The following HDAC4 variants were observed in gnomAD, a reference collection of about 807,000 sequenced individuals.
The protein encoded by HDAC4 is histone deacetylase A.
Under a neutral mutation model 135.1 loss-of-function variants are expected in HDAC4, and 16 were observed. The ratio of observed to expected loss-of-function variants is 0.12; its 90% CI spans 0.08 to 0.18. The LOEUF (loss-of-function observed/expected upper bound fraction) is 0.18. HDAC4 is among the 10% of genes least tolerant of loss of function. The pLI is 1.00. For synonymous variants in HDAC4, 685 were observed against 653.4 expected (o/e 1.05, Z -0.74); for missense variants, 1,143 against 1,511.8 (o/e 0.76, Z 4.05).
At position 239,311,669 on chromosome 2, in the gene HDAC4, C is replaced by T. The variant is rs144551121; in HGVS notation, c.22+41009G>A. On this transcript the variant is annotated intron_variant, in intron 2 of 26. Transcript: ENST00000543185. ...CTCCAAAACCACACACAGGGGACTC[C>T]GTTTCTCACAAAACTTCAAGTTTCT... Among the ~76,000 whole-genome samples, 13 of 152,254 alleles carry T rather than the reference C, an allele frequency of 8.5e-5. No homozygotes were observed. The East Asian group carries it at 1.9e-3, about 23-fold the overall frequency.
intron 1 of HDAC4, among the ~76,000 whole-genome samples, chr2:239,389,395 A>C (rs1696046019): frequency 6.6e-6 from 1 of 152,180 alleles, no homozygotes; most frequent in African/African-American, 2.4e-5. Context: ...TCATTCTTGA[A>C]GTCAGCAAGA....
chr2:239,374,932 C>G (rs1478541611), intron 1 of HDAC4, among the ~76,000 whole-genome samples: 1 of 152,134 alleles, frequency 6.6e-6, no homozygotes, highest in African/African-American at 2.4e-5. Context: ...AGTCAGAGAC[C>G]CGATCTAAAG....
intron 2 of HDAC4, among the ~76,000 whole-genome samples, chr2:239,242,886 T>C (rs1335272822): frequency 6.6e-6 from 1 of 152,234 alleles, no homozygotes; most frequent in Non-Finnish European, 1.5e-5. Context: ...ATTCAGCTTA[T>C]TAAATAATTT....
At chr2:239,249,422 C>T (rs544261388) in intron 2 of HDAC4, among the ~76,000 whole-genome samples, 2 of 152,124 alleles carry the variant, frequency 1.3e-5, no homozygotes, top group African/African-American at 4.8e-5. Flanking sequence ...GCCACACTCA[C>T]CCAGGTAGGG....
chr2:239,081,739 G>A (rs909903571), intron 21 of HDAC4, among the ~76,000 whole-genome samples: 52 of 152,174 alleles, frequency 3.4e-4, no homozygotes, highest in Non-Finnish European at 5.6e-4. Flanking sequence ...GCCCCGCGCC[G>A]GGCAAAGGAC....
At chr2:239,217,282 C>T (rs564147852) in intron 3 of HDAC4, among the ~76,000 whole-genome samples, 29 of 152,264 alleles carry the variant, frequency 1.9e-4, no homozygotes, top group East Asian at 7.7e-4. Context: ...GATAATCAAG[C>T]GACCAGATCT....
intron 1 of HDAC4, among the ~76,000 whole-genome samples, chr2:239,391,101 GC>G (rs1387417234): frequency 6.6e-6 from 1 of 152,188 alleles, no homozygotes; most frequent in African/African-American, 2.4e-5. Context: ...TCACACTGTG[GC>G]CAAGGCGCAA....
intron 17 of HDAC4, among the ~76,000 whole-genome samples, chr2:239,093,036 G>T (rs2036668543): frequency 6.6e-6 from 1 of 152,194 alleles, no homozygotes; most frequent in Admixed American, 6.5e-5. Context: ...CCTTTGGGAA[G>T]CTCAGAGGAG....
chr2:239,114,792 T>C (rs1203147600), intron 13 of HDAC4, among the ~76,000 whole-genome samples: 1 of 152,076 alleles, frequency 6.6e-6, no homozygotes, highest in Non-Finnish European at 1.5e-5. Flanking sequence ...AGGAAATCCA[T>C]TCTCTGGGGC....
intron 2 of HDAC4, among the ~76,000 whole-genome samples, chr2:239,290,978 GA>G (rs1350147905): frequency 6.6e-6 from 1 of 152,214 alleles, no homozygotes; most frequent in Admixed American, 6.5e-5. Flanking sequence ...ATGACTAATG[GA>G]ATAAGTGAGC....
At position 239,119,897 on chromosome 2, in the gene HDAC4, G is replaced by A. The variant is rs139125565; in HGVS notation, c.1534-4587C>T. Among the ~76,000 whole-genome samples the A allele has an allele frequency of 1.3e-3, 193 of 152,264 alleles. 2 individuals are homozygous for A. The highest frequency in any genetic ancestry group is 4.6e-3 in the African/African-American group (192 of 41,574). ...GCAGGGCCGGGCAGAGGCTGGCACA[G>A]AGGCTGGGTCCAGCGGCAGTGGGGA... On this transcript the variant is annotated intron_variant, in intron 12 of 26. Coordinates refer to ENST00000543185, the MANE Select transcript of HDAC4 (RefSeq NM_001378414.1).
intron 2 of HDAC4, among the ~76,000 whole-genome samples, chr2:239,323,040 C>A (rs570033639): frequency 1.3e-5 from 2 of 152,298 alleles, no homozygotes; most frequent in Admixed American, 1.3e-4. Flanking sequence ...AGTTCTGTTT[C>A]TTGGACTTTA....
At chr2:239,162,446 G>A (rs998833638) in intron 6 of HDAC4, 10 of 422,526 alleles carry the variant, frequency 2.4e-5, no homozygotes, top group South Asian at 8.4e-5. Context: ...GCAACCCCAC[G>A]CCCTGCCCCA....
chr2:239,284,268 G>C (rs1207718887), intron 2 of HDAC4, among the ~76,000 whole-genome samples: 1 of 152,220 alleles, frequency 6.6e-6, no homozygotes, highest in African/African-American at 2.4e-5. Flanking sequence ...TGGCAGGACT[G>C]GCTGCGCTTC....
intron 2 of HDAC4, among the ~76,000 whole-genome samples, chr2:239,274,781 C>T (rs1285835427): frequency 6.6e-6 from 1 of 152,176 alleles, no homozygotes; most frequent in Non-Finnish European, 1.5e-5. Flanking sequence ...AAAGAAAAGG[C>T]TCAGAAGTCC....
At chr2:239,103,536 T>C (rs2037847947) in intron 15 of HDAC4, among the ~76,000 whole-genome samples, 1 of 152,168 alleles carries the variant, frequency 6.6e-6, no homozygotes, top group South Asian at 2.1e-4. Flanking sequence ...GCTTTGGACA[T>C]GAGATTCGAG....
intron 3 of HDAC4, among the ~76,000 whole-genome samples, chr2:239,201,998 GC>G (rs2045785025): frequency 6.6e-6 from 1 of 152,218 alleles, no homozygotes; most frequent in South Asian, 2.1e-4. Flanking sequence ...GGTGGTCCCT[GC>G]AGTTGGCAGG....
At chr2:239,112,842 C>A (rs1426804259) in intron 13 of HDAC4, among the ~76,000 whole-genome samples, 2 of 152,202 alleles carry the variant, frequency 1.3e-5, no homozygotes, top group African/African-American at 4.8e-5. Context: ...TACCTACATC[C>A]CAGCTCCTGT....
Position 239,303,807 on chromosome 2 carries a change from C to T in HDAC4, c.22+48871G>A, listed in dbSNP as rs1310094967. Among the ~76,000 whole-genome samples the T allele has an allele frequency of 6.6e-6, 1 of 152,204 alleles. No homozygotes were observed. ...CCGTGCTCAACTGCAGGGCGCGGCA[C>T]TCGCCTATGCTCTCATGAAGCCCCG... is the stretch of plus-strand genomic sequence containing the variant. On this transcript the variant is annotated intron_variant, in intron 2 of 26. Transcript: ENST00000543185. This position sits in a 1 kb window ranked among gnomAD's most constrained non-coding sequence, Gnocchi z 5.1.
Sources: gnomAD v4.1 joint callset for allele counts (sites outside exome capture counted in the v4.1 genomes callset) on GRCh38, gnomAD v4.1.1 for gene constraint, Gnocchi (gnomAD v3.1) non-coding constraint, MANE v1.5 for transcripts, NCBI Gene and HGNC (gene_info 2026-07-23, HGNC 2026-07-21) for gene names.